The following DENND6A variants were observed in gnomAD, a reference collection of about 807,000 sequenced individuals.
DENND6A encodes DENN domain containing 6A, also known as protein DENND6A.
Under a neutral mutation model 95.5 loss-of-function variants are expected in DENND6A, and 43 were observed. That is an observed-to-expected ratio of 0.45 (90% CI 0.35 to 0.58). The LOEUF (loss-of-function observed/expected upper bound fraction) is 0.58, where lower values mean the gene tolerates loss of function less well. Among genes scored for constraint, DENND6A ranks in the 20% least tolerant of loss-of-function variants. The pLI is 0.00. For missense variants in DENND6A, 574 were observed against 736.0 expected (o/e 0.78, Z 2.55); for synonymous variants, 257 against 260.4 (o/e 0.99, Z 0.13).
intron 1 of DENND6A, among the ~76,000 whole-genome samples, chr3:57,689,933 G>C (rs2077245485): frequency 6.6e-6 from 1 of 151,754 alleles, no homozygotes; most frequent in Non-Finnish European, 1.5e-5. Flanking sequence ...GTGTAGTGGT[G>C]CATGTCTGTA....
chr3:57,656,628 C>T (rs1184038765), intron 9 of DENND6A, among the ~76,000 whole-genome samples: 1 of 151,308 alleles, frequency 6.6e-6, no homozygotes, highest in Non-Finnish European at 1.5e-5. Flanking sequence ...TCTTTTGAAG[C>T]AGTATTCCAT....
At chr3:57,642,435 G>GT (rs896735864) in intron 11 of DENND6A, among the ~76,000 whole-genome samples, 1 of 151,936 alleles carries the variant, frequency 6.6e-6, no homozygotes. Context: ...ATGAGTGGGC[G>GT]TTTTTTGCCA....
intron 10 of DENND6A, 146 bp from the exon 11 acceptor site, chr3:57,645,902 G>C (rs141732638): frequency 0.013 from 8,249 of 628,912 alleles, 125 homozygotes; most frequent in South Asian, 0.035. Flanking sequence ...CACAGAATTA[G>C]AAAGACAGAT....
rs143936981 is a variant in DENND6A, at chr3:57,692,845, G to A, written c.174C>T (p.Phe58=). ...RGRGLLRWDS[F]SAWLHCVCVV... is the part of the protein sequence containing the mutation. ...CACACACGCAGTGCAGCCAGGCGGA[G>A]AAGCTGTCCCAGCGCAGCAGGCCCC... The change falls in exon 1 of 20, where the codon TTC becomes TTT. Residue 58 remains phenylalanine (F), a synonymous_variant. Transcript: ENST00000311128. 4.4e-5 allele frequency: 69 copies of A among 1,584,496 alleles called. No homozygotes were observed. In the African/African-American group the frequency reaches 7.8e-4, roughly 18 times the overall value.
chr3:57,660,740 A>C lies in DENND6A; in HGVS notation c.699+20T>G, dbSNP rs1442796416. The C allele has an allele frequency of 6.3e-7, 1 of 1,577,332 alleles. No homozygotes were observed. The highest frequency in any genetic ancestry group is 1.4e-5 in the African/African-American group (1 of 72,614). On this transcript the variant is annotated intron_variant, in intron 7 of 19. Transcript: ENST00000311128. ...TAAAAATAAAAATAAAAAGGAGACA[A>C]TTGAGATATAAGATATTACCTTCAT...
chr3:57,685,329 C>T (rs1412531760), intron 1 of DENND6A, among the ~76,000 whole-genome samples: 1 of 152,108 alleles, frequency 6.6e-6, no homozygotes, highest in Non-Finnish European at 1.5e-5. Context: ...TAACCTATTA[C>T]TCATTAACAT....
At chr3:57,649,521 A>G (rs2071149315) in intron 9 of DENND6A, among the ~76,000 whole-genome samples, 1 of 103,354 alleles carries the variant, frequency 9.7e-6, no homozygotes, top group Admixed American at 1.2e-4. Flanking sequence ...CCCAGAGGAA[A>G]GGAAGTCATA....
At chr3:57,639,767 C>A (rs997724254) in intron 12 of DENND6A, among the ~76,000 whole-genome samples, 1 of 151,964 alleles carries the variant, frequency 6.6e-6, no homozygotes. Flanking sequence ...CAAGATGAAG[C>A]CCTTTGCTTT....
chr3:57,630,048 T>A (rs1382704021), intron 18 of DENND6A, among the ~76,000 whole-genome samples: 1 of 152,104 alleles, frequency 6.6e-6, no homozygotes, highest in East Asian at 1.9e-4. Flanking sequence ...CAACCTGAGG[T>A]TACTGAATAC....
intron 8 of DENND6A, among the ~76,000 whole-genome samples, chr3:57,658,443 C>T (rs2071367252): frequency 6.6e-6 from 1 of 152,120 alleles, no homozygotes; most frequent in Admixed American, 6.6e-5. Context: ...GTGGGAGAAT[C>T]ACTTCAGCCC....
intron 12 of DENND6A, among the ~76,000 whole-genome samples, chr3:57,636,180 T>C (rs763407091): frequency 2.0e-5 from 3 of 152,152 alleles, no homozygotes; most frequent in African/African-American, 4.8e-5. Flanking sequence ...ACACAGGAAG[T>C]TGGCATTCCT....
intron 9 of DENND6A, chr3:57,654,928 C>T (rs2071294457): frequency 3.0e-6 from 1 of 337,884 alleles, no homozygotes; most frequent in South Asian, 1.2e-4. Flanking sequence ...AGCACAGTCA[C>T]AAATAAAGCA....
intron 9 of DENND6A, among the ~76,000 whole-genome samples, chr3:57,647,260 T>A (rs1348322600): frequency 6.6e-6 from 1 of 152,110 alleles, no homozygotes; most frequent in Non-Finnish European, 1.5e-5. Flanking sequence ...TAATTTTAAC[T>A]ATTCAAAAAC....
At chr3:57,685,388 C>T (rs889885057) in intron 1 of DENND6A, among the ~76,000 whole-genome samples, 2 of 152,092 alleles carry the variant, frequency 1.3e-5, no homozygotes, top group African/African-American at 4.8e-5. Flanking sequence ...TATTCCTTAT[C>T]CAAAATGCTT....
At position 57,671,149 on chromosome 3, in the gene DENND6A, C is replaced by T. The variant is rs142205378; in HGVS notation, c.319+1107G>A. Among the ~76,000 whole-genome samples, 64 of 152,180 alleles carry T rather than the reference C, an allele frequency of 4.2e-4. 1 individual carries two copies. The East Asian group carries it at 0.011, about 26-fold the overall frequency. ...GAAAAAAATTCTGGAAGCATTTATA[C>T]AGAAAGGAGAAAATGCTAAAAAAAA... On this transcript the variant is annotated intron_variant, in intron 3 of 19. Transcript: ENST00000311128.
intron 5 of DENND6A, among the ~76,000 whole-genome samples, chr3:57,663,356 T>G (rs1391093660): frequency 6.9e-6 from 1 of 145,716 alleles, no homozygotes; most frequent in East Asian, 2.1e-4. Context: ...TCCCAGCTAC[T>G]TGGGAGACGG....
intron 4 of DENND6A, 34 bp downstream of exon 4, chr3:57,666,089 C>A: frequency 6.4e-7 from 1 of 1,565,132 alleles, no homozygotes; most frequent in Non-Finnish European, 8.8e-7. Context: ...AGTTTCCTCT[C>A]ACATGGACAT....
At chr3:57,634,463 A>G (rs1323545416) in intron 14 of DENND6A, 95 bp downstream of exon 14, 7 of 583,024 alleles carry the variant, frequency 1.2e-5, no homozygotes, top group South Asian at 6.2e-5. Context: ...GAGAGATCCT[A>G]TTTCACATTA....
intron 15 of DENND6A, 48 bp downstream of exon 15, chr3:57,633,216 AC>A: frequency 6.9e-7 from 1 of 1,454,094 alleles, no homozygotes; most frequent in Non-Finnish European, 9.6e-7. Flanking sequence ...ACATTTATAT[AC>A]CCTTCACCAA....
Sources: gnomAD v4.1 joint callset for allele counts (sites outside exome capture counted in the v4.1 genomes callset) on GRCh38, gnomAD v4.1.1 for gene constraint, MANE v1.5 for transcripts, NCBI Gene and HGNC (gene_info 2026-07-23, HGNC 2026-07-21) for gene names.